Variants in PFAS observed in about 807,000 individuals in gnomAD.
PFAS encodes the protein phosphoribosylformylglycinamidine synthase, also known as FGAM synthase.
Under a neutral mutation model 140.6 loss-of-function variants are expected in PFAS, and 97 were observed. The observed-to-expected ratio is 0.69, with a 90% CI of 0.59 to 0.82. The LOEUF is 0.82. Among genes scored for constraint, PFAS ranks in the 40% least tolerant of loss-of-function variants. PFAS has a pLI of 0.00. For synonymous variants in PFAS, 679 were observed against 718.8 expected (o/e 0.94, Z 0.88); for missense variants, 1,656 against 1,780.2 (o/e 0.93, Z 1.26).
At chr17:8,250,984 T>A (rs1023769314) in intron 1 of PFAS, among the ~76,000 whole-genome samples, 3 of 151,948 alleles carry the variant, frequency 2.0e-5, no homozygotes, top group Non-Finnish European at 2.9e-5. Context: ...TTTTTATTTT[T>A]TTTAATTTGA....
Position 8,269,585 on chromosome 17 carries a change from C to A in PFAS, c.*321C>A, listed in dbSNP as rs1016124197. Reference sequence around the variant, plus strand: ...GGCTTCTGTTGCCCACTTCACAACACCCAGTGATCACCGGTGTGCAATTGC... The same window carrying A: ...GGCTTCTGTTGCCCACTTCACAACAACCAGTGATCACCGGTGTGCAATTGC... On this transcript the variant is annotated 3_prime_UTR_variant, in exon 28 of 28. Transcript: ENST00000314666. The A allele has an allele frequency of 3.4e-6, 1 of 290,074 alleles. No individual in the cohort carries two copies. The highest frequency in any genetic ancestry group is 4.7e-5 in the Admixed American group (1 of 21,384). 18.0% of individuals were successfully genotyped at this position (290,074 alleles called of 1,614,324 possible).
In PFAS at chr17:8,265,081, G is replaced by A. The variant is rs780319540; in HGVS notation, c.2236G>A (p.Glu746Lys). 3.7e-6 allele frequency: 6 copies of A among 1,613,146 alleles called. No individual in the cohort carries two copies. Among genetic ancestry groups the A allele is most frequent in the South Asian group, 2.2e-5 (2 of 91,092 alleles). Residue 746 changes from glutamate (E) to lysine (K), a missense_variant, in exon 18 of 28, where the codon GAA becomes AAA. By Grantham distance (56) the Glu-to-Lys change is moderately conservative. This residue lies in a region of PFAS where 883 missense variants were observed against 1,023.0 expected (regional missense o/e 0.86). Coordinates refer to ENST00000314666, the MANE Select transcript of PFAS (RefSeq NM_012393.3). The part of the protein sequence containing the change: ...PKVAARLAVA[E>K]ALTNLVFALV... ...AGTCGCCGCCCGGCTGGCCGTGGCC[G>A]AAGCCCTCACCAACCTGGTGTTTGC... is the stretch of plus-strand genomic sequence containing the variant.
Position 8,266,130 on chromosome 17 carries a change from CCT to C in PFAS, c.2702-103_2702-102del. ...CCAATGGACGATGTACCCCAGATCC[CCT>C]GACATTCTGACACACACTCTTGATG... On this transcript the variant is annotated intron_variant, in intron 21 of 27. Coordinates refer to ENST00000314666, the MANE Select transcript of PFAS (RefSeq NM_012393.3). The surrounding 1 kb of genome is among the most constrained non-coding windows in gnomAD (Gnocchi z 5.0). 6.4e-7 allele frequency: 1 copy of C among 1,553,738 alleles called. No individual in the cohort carries two copies. The highest frequency in any genetic ancestry group is 8.8e-7 in the Non-Finnish European group (1 of 1,141,878).
chr17:8,269,213 G>C lies in PFAS; in HGVS notation c.3966G>C (p.Trp1322Cys). 1 of 1,613,144 alleles carries C rather than the reference G, an allele frequency of 6.2e-7. No individual in the cohort carries two copies. The highest frequency in any genetic ancestry group is 8.5e-7 in the Non-Finnish European group (1 of 1,179,580). The change falls in exon 28 of 28, where the codon TGG becomes TGC. Residue 1322 changes from tryptophan to cysteine, a missense_variant. Physicochemically the swap from Trp to Cys is radical, Grantham distance 215. Transcript: ENST00000314666. ...TTGATACTCTGACCACCTCCCCCTG[G>C]CTCCAGCTCTTTATCAATGCCCGAA... The part of the protein sequence containing the change: ...PPFDTLTTSP[W>C]LQLFINARNW...
rs985289924 is a variant in PFAS, at chr17:8,267,904, T to TTA, written c.3382+247_3382+248dup. Among the ~76,000 whole-genome samples the TTA allele has an allele frequency of 4.4e-4, 47 of 105,898 alleles. No individual in the cohort carries two copies. The highest frequency in any genetic ancestry group is 1.2e-3 in the African/African-American group (45 of 36,440). 69.5% of individuals were successfully genotyped at this position (105,898 alleles called of 152,430 possible). The stretch of plus-strand genomic sequence containing the variant: ...ATATATATTATTAAATATATATTAT[T>TTA]TATATATATTATTTATATATTATTA... On this transcript the variant is annotated intron_variant, in intron 26 of 27. Transcript: ENST00000314666. This position sits in a 1 kb window ranked among gnomAD's most constrained non-coding sequence, Gnocchi z 4.9.
Position 8,255,691 on chromosome 17 carries a change from G to C in PFAS, c.574G>C (p.Gly192Arg). The change falls in exon 5 of 28, where the codon GGT (glycine) becomes CGT (arginine). Residue 192 changes from glycine (G) to arginine (R), a missense_variant and splice_region_variant. By Grantham distance (125) the Gly-to-Arg change is moderately radical (BLOSUM62 -2). Transcript: ENST00000314666. ...GCTGGAGAAGGCCAACCAGGAGCTTGGTGAGTAGCTGGGGAGGGAGATGTA... is the reference window on the plus strand; with the variant it reads ...GCTGGAGAAGGCCAACCAGGAGCTTCGTGAGTAGCTGGGGAGGGAGATGTA... The part of the protein sequence containing the change: ...LALEKANQEL[G>R]LALDSWDLDF... 1 of 1,585,422 alleles carries C rather than the reference G, an allele frequency of 6.3e-7. No homozygotes were observed. Among genetic ancestry groups the C allele is most frequent in the Non-Finnish European group, 8.6e-7 (1 of 1,167,316 alleles).
rs147065158 is a variant in PFAS at position 8,261,758 on chromosome 17, C to T, written c.1337-1162C>T. Among the ~76,000 whole-genome samples the T allele has an allele frequency of 2.9e-3, 448 of 152,028 alleles. 4 individuals are homozygous for T. The highest frequency in any genetic ancestry group is 0.01 in the African/African-American group (418 of 41,448). ...CCTGAGTAGCTGAGACTACAAGCTC[C>T]GGCCACCATGCCTGGCTAATTTTTG... On this transcript the variant is annotated intron_variant, in intron 11 of 27. Transcript: ENST00000314666.
chr17:8,248,650 C>T (rs59658031), upstream of PFAS, among the ~76,000 whole-genome samples: 8,934 of 151,870 alleles, frequency 0.059, 657 homozygotes, highest in East Asian at 0.29. Context: ...CTCGACCTCC[C>T]GGGCTCAAGC....
At position 8,267,220 on chromosome 17, in the gene PFAS, G is replaced by A. The variant is rs756366504; in HGVS notation, c.3160G>A (p.Val1054Met). The change falls in exon 24 of 28, where the codon GTG becomes ATG. Residue 1054 changes from valine (V) to methionine (M), a missense_variant. Transcript: ENST00000314666. This position sits in a 1 kb window ranked among gnomAD's most constrained non-coding sequence, Gnocchi z 4.9. ...CLPPTFPKAS[V>M]PREPGGPSPR... Reference sequence around the variant, plus strand: ...GCCCCCCACCTTTCCCAAAGCCTCCGTGCCCCGTGAGCCTGGTGAGGGAGT... The same window carrying A: ...GCCCCCCACCTTTCCCAAAGCCTCCATGCCCCGTGAGCCTGGTGAGGGAGT... 26 of 1,608,540 alleles carry A rather than the reference G, an allele frequency of 1.6e-5. No individual in the cohort carries two copies. Among genetic ancestry groups the A allele is most frequent in the Admixed American group, 5.1e-5 (3 of 59,256 alleles).
At chr17:8,262,811 G>A (rs1989645089) in intron 11 of PFAS, 109 bp from the exon 12 acceptor site, 2 of 824,770 alleles carry the variant, frequency 2.4e-6, no homozygotes, top group African/African-American at 1.7e-5. Flanking sequence ...AAAAAAAGCT[G>A]GTCAGGCTTC....
rs368426315 is a variant in PFAS at position 8,266,893 on chromosome 17, G to A, written c.2962G>A (p.Ala988Thr). ...CCACACAGGCGAGGCCGGGCCCCAC[G>A]CCATGGTGAGGAAGTGAGGGAGAGA... ...LGHTGEAGPH[A>T]MVRVSVNGAV... Residue 988 changes from alanine (A) to threonine (T), a missense_variant, in exon 23 of 28, where the codon GCC becomes ACC. Ala to Thr is a moderately conservative substitution (Grantham distance 58). Around this residue, in one of 2 missense-constraint regions of PFAS, gnomAD observed 883 missense variants for 1,023.0 expected, o/e 0.86. Transcript: ENST00000314666. The surrounding 1 kb of genome is among the most constrained non-coding windows in gnomAD (Gnocchi z 5.0). 20 of 1,602,678 alleles carry A rather than the reference G, an allele frequency of 1.2e-5. No individual in the cohort carries two copies. Among genetic ancestry groups the A allele is most frequent in the East Asian group, 2.2e-5 (1 of 44,866 alleles).
chr17:8,268,209 G>A (rs1164597609), intron 26 of PFAS, among the ~76,000 whole-genome samples: 1 of 145,410 alleles, frequency 6.9e-6, no homozygotes, highest in African/African-American at 2.5e-5. Flanking sequence ...TTACAGGCAT[G>A]CAAAAATACA....
At chr17:8,261,660 G>T (rs1266312801) in intron 11 of PFAS, among the ~76,000 whole-genome samples, 1 of 151,616 alleles carries the variant, frequency 6.6e-6, no homozygotes, top group Non-Finnish European at 1.5e-5. Flanking sequence ...ACCCAGGCTG[G>T]AGTGCAGTGG....
chr17:8,248,449 A>T (rs1597409011), upstream of PFAS, among the ~76,000 whole-genome samples: 1 of 66,570 alleles, frequency 1.5e-5, no homozygotes, highest in African/African-American at 6.9e-5. Flanking sequence ...TTTAGTAGAG[A>T]CGGGGTTTCA....
chr17:8,266,928 A>G lies in PFAS; in HGVS notation c.2967+30A>G, dbSNP rs1375081343. The stretch of plus-strand genomic sequence containing the variant: ...GGAAGTGAGGGAGAGAGCGGTGTGC[A>G]GTGGGCAGTCAGAGTGGGGTGGCCG... On this transcript the variant is annotated intron_variant, in intron 23 of 27. Coordinates refer to ENST00000314666, the MANE Select transcript of PFAS (RefSeq NM_012393.3). The surrounding 1 kb of genome is among the most constrained non-coding windows in gnomAD (Gnocchi z 5.0). The G allele has an allele frequency of 1.9e-6, 3 of 1,599,066 alleles. No homozygotes were observed. In the African/African-American group the frequency reaches 4.0e-5, roughly 21 times the overall value.
In PFAS at chr17:8,256,426, G is replaced by C; in HGVS notation, c.821+19G>C. ...ACAGCAGGTGCTGTGCCCTAGACTG[G>C]GTTGGCGTCAGGACCCGGGGAGGGG... is the stretch of plus-strand genomic sequence containing the variant. On this transcript the variant is annotated intron_variant, in intron 7 of 27. Coordinates refer to ENST00000314666, the MANE Select transcript of PFAS (RefSeq NM_012393.3). 1.2e-6 allele frequency: 2 copies of C among 1,613,996 alleles called. No homozygotes were observed. Among genetic ancestry groups the C allele is most frequent in the South Asian group, 2.2e-5 (2 of 91,088 alleles).
intron 6 of PFAS, 111 bp from the exon 7 acceptor site, chr17:8,256,156 C>A: frequency 9.5e-7 from 1 of 1,053,740 alleles, no homozygotes. Flanking sequence ...GATCTGTCAT[C>A]TAAGTATGAA....
At chr17:8,247,841 G>A (rs1051163251), upstream of PFAS, 3 of 669,974 alleles carry the variant, frequency 4.5e-6, no homozygotes, top group Admixed American at 5.2e-5. Flanking sequence ...ATAAACATTC[G>A]CAGAACCAGT....
upstream of PFAS, among the ~76,000 whole-genome samples, chr17:8,248,410 A>ATTTTTTTTTTTTT (rs35534210): frequency 1.7e-3 from 113 of 67,644 alleles, no homozygotes; most frequent in Non-Finnish European, 1.8e-3. Flanking sequence ...CGCCCGGCTA[A>ATTTTTTTTTTTTT]TTTTTTTTTT....
Sources: gnomAD v4.1 joint callset for allele counts (sites outside exome capture counted in the v4.1 genomes callset) on GRCh38, gnomAD v4.1.1 for gene constraint, gnomAD v4.1.1 regional missense constraint, Gnocchi (gnomAD v3.1) non-coding constraint, MANE v1.5 for transcripts, NCBI Gene and HGNC (gene_info 2026-07-23, HGNC 2026-07-21) for gene names.